Variants in LRP1B observed in about 807,000 individuals in gnomAD.
LRP1B encodes LDL receptor related protein 1B, also known as low-density lipoprotein receptor-related protein 1B.
LRP1B carries 217 observed loss-of-function variants against 556.6 expected under a neutral mutation model. The ratio of observed to expected loss-of-function variants is 0.39; its 90% CI spans 0.35 to 0.44. The LOEUF is 0.44. LRP1B is among the 20% of genes least tolerant of loss of function. The pLI is 1.00. For synonymous variants in LRP1B, 2,047 were observed against 1,865.8 expected (o/e 1.10, Z -2.50); for missense variants, 5,053 against 5,620.8 (o/e 0.90, Z 3.23).
chr2:140,814,592 T>C (rs957843478), intron 31 of LRP1B, among the ~76,000 whole-genome samples: 3 of 152,220 alleles, frequency 2.0e-5, no homozygotes, highest in African/African-American at 7.2e-5. Context: ...TAATTACTCA[T>C]CTATTTTCCA....
rs530576773 is a variant in LRP1B at position 140,592,501 on chromosome 2, A to G, written c.7194+6130T>C. On this transcript the variant is annotated intron_variant, in intron 43 of 90. Transcript: ENST00000389484. Reference sequence around the variant, plus strand: ...TCTTTCTTGTCTTTGGTGATAGCAAATGGTTTTGACTTGGGTAAGCATTTC... The same window carrying G: ...TCTTTCTTGTCTTTGGTGATAGCAAGTGGTTTTGACTTGGGTAAGCATTTC... Among the ~76,000 whole-genome samples, 30 of 151,992 alleles carry G rather than the reference A, an allele frequency of 2.0e-4. No homozygotes were observed. The South Asian group carries it at 6.2e-3, about 32-fold the overall frequency.
At chr2:141,619,552 C>A (rs1688429574) in intron 2 of LRP1B, among the ~76,000 whole-genome samples, 1 of 152,106 alleles carries the variant, frequency 6.6e-6, no homozygotes, top group Non-Finnish European at 1.5e-5. Context: ...TGATTAGTTT[C>A]ATTTAAATAT....
At chr2:141,559,785 T>C (rs890967198) in intron 2 of LRP1B, among the ~76,000 whole-genome samples, 1 of 151,750 alleles carries the variant, frequency 6.6e-6, no homozygotes, top group Non-Finnish European at 1.5e-5. Context: ...AAATCTGTGA[T>C]AAATTCATTT....
intron 41 of LRP1B, among the ~76,000 whole-genome samples, chr2:140,673,583 A>G (rs1685563093): frequency 6.6e-6 from 1 of 152,172 alleles, no homozygotes; most frequent in African/African-American, 2.4e-5. Context: ...GGCTTTTTCT[A>G]TTATTGTCCT....
chr2:141,227,995 C>G (rs113030029), intron 6 of LRP1B, among the ~76,000 whole-genome samples: 2,286 of 152,166 alleles, frequency 0.015, 34 homozygotes, highest in Middle Eastern at 0.031. Context: ...GTCACAATCT[C>G]GGCTCACTGG....
chr2:142,011,198 C>T (rs993720299), intron 1 of LRP1B, among the ~76,000 whole-genome samples: 1 of 152,146 alleles, frequency 6.6e-6, no homozygotes, highest in African/African-American at 2.4e-5. Context: ...CCTTCTATTG[C>T]TTCAATTTTA....
At chr2:140,296,510 C>A (rs191451122) in intron 84 of LRP1B, among the ~76,000 whole-genome samples, 61 of 152,044 alleles carry the variant, frequency 4.0e-4, no homozygotes, top group Non-Finnish European at 7.4e-4. Flanking sequence ...ATAGGTTAAG[C>A]AGGATATGTA....
chr2:142,031,330 A>ATTTTTTTTTTTTTTTTTTTT (rs560363480), intron 1 of LRP1B, among the ~76,000 whole-genome samples: 14 of 117,034 alleles, frequency 1.2e-4, no homozygotes, highest in African/African-American at 2.4e-4. Context: ...GATTATACTT[A>ATTTTTTTTTTTTTTTTTTTT]TTTTTTTTTT....
At chr2:140,352,004 C>A (rs1681983247) in intron 76 of LRP1B, among the ~76,000 whole-genome samples, 1 of 152,006 alleles carries the variant, frequency 6.6e-6, no homozygotes, top group Admixed American at 6.6e-5. Context: ...CACAGTTGAT[C>A]CATTACATCA....
At chr2:141,571,313 A>G (rs1225975406) in intron 2 of LRP1B, among the ~76,000 whole-genome samples, 1 of 150,798 alleles carries the variant, frequency 6.6e-6, no homozygotes, top group Non-Finnish European at 1.5e-5. Flanking sequence ...CAGCAGCCCT[A>G]CAGAAGAGGA....
chr2:141,623,537 TTA>T (rs1688581430), intron 2 of LRP1B, among the ~76,000 whole-genome samples: 1 of 152,170 alleles, frequency 6.6e-6, no homozygotes, highest in Non-Finnish European at 1.5e-5. Flanking sequence ...GATATAGGTT[TTA>T]TAATTTGGTC....
chr2:141,181,065 A>T (rs1399683201), intron 7 of LRP1B, among the ~76,000 whole-genome samples: 1 of 151,956 alleles, frequency 6.6e-6, no homozygotes, highest in Non-Finnish European at 1.5e-5. Flanking sequence ...TGTTAATGGT[A>T]AAAATTGTCT....
chr2:141,898,677 A>T (rs1699529234), intron 1 of LRP1B, among the ~76,000 whole-genome samples: 1 of 152,156 alleles, frequency 6.6e-6, no homozygotes, highest in South Asian at 2.1e-4. Context: ...TCTAAGGGCA[A>T]TGAGAAAAAC....
intron 77 of LRP1B, among the ~76,000 whole-genome samples, chr2:140,344,878 C>G (rs1222333301): frequency 1.3e-5 from 2 of 151,272 alleles, no homozygotes; most frequent in Non-Finnish European, 3.0e-5. Flanking sequence ...CAGGAGCAAG[C>G]AAAAGAGACT....
chr2:140,614,235 C>A (rs148605343), intron 41 of LRP1B, among the ~76,000 whole-genome samples: 59 of 152,202 alleles, frequency 3.9e-4, no homozygotes, highest in Middle Eastern at 6.8e-3. Context: ...ATTGCAATGG[C>A]ATATTATTGA....
chr2:141,031,427 A>T (rs1289641628), intron 11 of LRP1B, among the ~76,000 whole-genome samples: 1 of 151,956 alleles, frequency 6.6e-6, no homozygotes, highest in African/African-American at 2.4e-5. Flanking sequence ...TTTTAAGTCA[A>T]TATTTTACCT....
chr2:141,544,329 T>TTCC (rs1559131037), intron 2 of LRP1B, among the ~76,000 whole-genome samples: 2 of 31,732 alleles, frequency 6.3e-5, no homozygotes, highest in African/African-American at 1.7e-4. Flanking sequence ...CTTCTTCTTC[T>TTCC]TCTTCTTCTT....
At chr2:141,772,609 C>T (rs1177939160) in intron 2 of LRP1B, among the ~76,000 whole-genome samples, 1 of 152,172 alleles carries the variant, frequency 6.6e-6, no homozygotes, top group African/African-American at 2.4e-5. Context: ...TTGAGAATCA[C>T]TGCTTCAGAG....
chr2:141,361,615 T>C (rs1474357530), intron 3 of LRP1B, among the ~76,000 whole-genome samples: 1 of 152,196 alleles, frequency 6.6e-6, no homozygotes, highest in Non-Finnish European at 1.5e-5. Context: ...TTTAGCATTG[T>C]TTATAATTTC....
Sources: gnomAD v4.1 joint callset for allele counts (sites outside exome capture counted in the v4.1 genomes callset) on GRCh38, gnomAD v4.1.1 for gene constraint, MANE v1.5 for transcripts, NCBI Gene and HGNC (gene_info 2026-07-23, HGNC 2026-07-21) for gene names.